Variants in LTF observed in about 807,000 individuals in gnomAD.
The protein encoded by LTF is lactotransferrin.
In LTF, 91 loss-of-function variants were observed where a neutral mutation model predicts 87.2. The ratio of observed to expected loss-of-function variants is 1.04; its 90% confidence interval spans 0.88 to 1.24. The LOEUF (loss-of-function observed/expected upper bound fraction) is 1.24. LTF is among the 50% of genes most tolerant of loss of function. LTF has a pLI of 0.00. For synonymous variants in LTF, 378 were observed against 356.1 expected (o/e 1.06, Z -0.69); for missense variants, 901 against 904.3 (o/e 1.00, Z 0.05).
intron 6 of LTF, among the ~76,000 whole-genome samples, chr3:46,451,490 G>A (rs367836974): frequency 1.3e-5 from 2 of 152,184 alleles, no homozygotes; most frequent in Middle Eastern, 3.4e-3. Flanking sequence ...CCATGAGATC[G>A]TCTTCATCTT....
chr3:46,468,153 G>A (rs551358161), upstream of LTF: 160 of 455,870 alleles, frequency 3.5e-4, no homozygotes, highest in South Asian at 2.5e-3. Flanking sequence ...AGGGACAAAG[G>A]ATCCTGTTTG....
chr3:46,442,965 T>C (rs1192426446), intron 13 of LTF, among the ~76,000 whole-genome samples: 1 of 152,198 alleles, frequency 6.6e-6, no homozygotes, highest in Admixed American at 6.5e-5. Flanking sequence ...TATTTTTCAC[T>C]TCGTTACTGG....
chr3:46,463,892 G>T (rs190186930), intron 1 of LTF, among the ~76,000 whole-genome samples: 60 of 152,332 alleles, frequency 3.9e-4, no homozygotes, highest in Non-Finnish European at 7.8e-4. Flanking sequence ...ACAAGGATGG[G>T]TTTGGGCTCC....
intron 1 of LTF, among the ~76,000 whole-genome samples, chr3:46,463,913 C>G (rs542500966): frequency 6.6e-6 from 1 of 152,328 alleles, no homozygotes; most frequent in Non-Finnish European, 1.5e-5. Flanking sequence ...CACTGCTGCT[C>G]TCTATCCACC....
intron 4 of LTF, 46 bp downstream of exon 4, chr3:46,455,750 T>A: frequency 6.6e-7 from 1 of 1,521,004 alleles, no homozygotes; most frequent in East Asian, 2.3e-5. Context: ...ACAACTGGAA[T>A]AGAGCCCCCT....
chr3:46,459,929 T>G, intron 1 of LTF, 110 bp from the exon 2 acceptor site: 1 of 691,596 alleles, frequency 1.4e-6, no homozygotes, highest in Non-Finnish European at 2.1e-6. Context: ...GCTGCCCTCC[T>G]TCCCTCTCCA....
chr3:46,459,697 T>C lies in LTF; in HGVS notation c.166A>G (p.Ile56Val), dbSNP rs752204918. 2.5e-6 allele frequency: 4 copies of C among 1,569,250 alleles called. No individual in the cohort carries two copies. The highest frequency in any genetic ancestry group is 2.6e-6 in the Non-Finnish European group (3 of 1,161,600). The change falls in exon 2 of 17, where the codon ATA (isoleucine) becomes GTA (valine). Residue 56 changes from isoleucine (I) to valine (V), a missense_variant. Physicochemically the swap from Ile to Val is conservative, Grantham distance 29. Coordinates refer to ENST00000231751, the MANE Select transcript of LTF (RefSeq NM_002343.6). Reference sequence around the variant, plus strand: ...CACTGGATGGGGGAGTCTCTCTTTATGCAGCTGACAGGAGGGCCACGCACT... The same window carrying C: ...CACTGGATGGGGGAGTCTCTCTTTACGCAGCTGACAGGAGGGCCACGCACT... The part of the protein sequence containing the change: ...RKVRGPPVSC[I>V]KRDSPIQCIQ...
In LTF at chr3:46,449,963, A is replaced by C. The variant is rs768876554; in HGVS notation, c.948T>G (p.Asp316Glu). 6.2e-7 allele frequency: 1 copy of C among 1,614,112 alleles called. No homozygotes were observed. The highest frequency in any genetic ancestry group is 1.3e-5 in the African/African-American group (1 of 75,038). ...CAATGGCAGAGTCCTTGAACAGCAGATCTTTCTGCCCACTAGGGGAGCCAA... is the reference window on the plus strand; with the variant it reads ...CAATGGCAGAGTCCTTGAACAGCAGCTCTTTCTGCCCACTAGGGGAGCCAA... Reference protein sequence around the residue: ...QLFGSPSGQKDLLFKDSAIGF... With the variant: ...QLFGSPSGQKELLFKDSAIGF... The change falls in exon 8 of 17, where the codon GAT (aspartate) becomes GAG (glutamate). Residue 316 changes from aspartate (D) to glutamate (E), a missense_variant. Coordinates refer to ENST00000231751, the MANE Select transcript of LTF (RefSeq NM_002343.6).
At chr3:46,446,109 C>T (rs1702647455) in intron 11 of LTF, among the ~76,000 whole-genome samples, 1 of 152,108 alleles carries the variant, frequency 6.6e-6, no homozygotes, top group Non-Finnish European at 1.5e-5. Context: ...CACAGTATTA[C>T]CTATGGCTGT....
At chr3:46,449,792 C>G in intron 8 of LTF, 62 bp downstream of exon 8, 1 of 1,578,952 alleles carries the variant, frequency 6.3e-7, no homozygotes, top group Non-Finnish European at 8.7e-7. Flanking sequence ...AAAGTAGGGC[C>G]ACCTGCTGGG....
At chr3:46,456,074 T>A (rs1702922274) in intron 3 of LTF, 96 bp from the exon 4 acceptor site, 1 of 1,186,098 alleles carries the variant, frequency 8.4e-7, no homozygotes, top group South Asian at 1.6e-5. Flanking sequence ...GGGGGAATGC[T>A]GTGCTGCAGT....
intron 1 of LTF, among the ~76,000 whole-genome samples, chr3:46,484,580 T>A (rs1703492765): frequency 6.6e-6 from 1 of 152,184 alleles, no homozygotes; most frequent in Non-Finnish European, 1.5e-5. Flanking sequence ...CCTGGAATGT[T>A]CTGCCAATAT....
Position 46,459,677 on chromosome 3 carries a change from G to C in LTF, c.186C>G (p.Ile62Met). Residue 62 changes from isoleucine to methionine, a missense_variant, in exon 2 of 17, where the codon ATC becomes ATG. Physicochemically the swap from Ile to Met is conservative, Grantham distance 10 (BLOSUM62 1). Coordinates refer to ENST00000231751, the MANE Select transcript of LTF (RefSeq NM_002343.6). ...PVSCIKRDSP[I>M]QCIQAIAENR... ...TCACCGCAATGGCCTGGATACACTG[G>C]ATGGGGGAGTCTCTCTTTATGCAGC... The C allele has an allele frequency of 1.3e-6, 2 of 1,545,594 alleles. No homozygotes were observed. The highest frequency in any genetic ancestry group is 8.7e-7 in the Non-Finnish European group (1 of 1,148,976).
rs370489762 is a variant in LTF at position 46,455,309 on chromosome 3, G to A, written c.633C>T (p.Tyr211=). 51 of 1,614,138 alleles carry A rather than the reference G, an allele frequency of 3.2e-5. No individual in the cohort carries two copies. Among genetic ancestry groups the A allele is most frequent in the African/African-American group, 4.0e-5 (3 of 74,952 alleles). The change falls in exon 5 of 17, where the codon TAC becomes TAT. Residue 211 remains tyrosine, a synonymous_variant. Transcript: ENST00000231751. ...GGGTCACTCACTTGAAGGCACCAGA[G>A]TAGCTGAAGTACGGTTCCTGGGAGG... ...AFSSQEPYFS[Y]SGAFKCLRDG... is the part of the protein sequence containing the mutation.
intron 12 of LTF, among the ~76,000 whole-genome samples, 162 bp from the exon 13 acceptor site, chr3:46,443,744 CA>C (rs756697165): frequency 6.2e-4 from 94 of 152,170 alleles, no homozygotes; most frequent in Non-Finnish European, 1.1e-3. Context: ...TTGTCACCAA[CA>C]TAGGACCCAC....
Position 46,450,516 on chromosome 3 carries a change from C to T in LTF, c.861G>A (p.Trp287Ter). Residue 287 changes from tryptophan (W) to a stop codon, truncating the protein, a stop_gained, in exon 7 of 17, where the codon TGG becomes TGA. Transcript: ENST00000231751. LOFTEE classifies it high-confidence loss of function. The part of the protein sequence containing the change: ...RSVNGKEDAI[W>*]NLLRQAQEKF... ...ATACCTGTGCCTGGCGGAGAAGATT[C>T]CAGATGGCATCCTCCTTGCCATTCA... 6.2e-7 allele frequency: 1 copy of T among 1,613,110 alleles called. No homozygotes were observed. The highest frequency in any genetic ancestry group is 8.5e-7 in the Non-Finnish European group (1 of 1,179,834).
upstream of LTF, among the ~76,000 whole-genome samples, chr3:46,469,779 C>T (rs955741929): frequency 6.6e-6 from 1 of 152,186 alleles, no homozygotes; most frequent in South Asian, 2.1e-4. Context: ...AGTCTGGGAA[C>T]GTTTCTGGGC....
At position 46,455,794 on chromosome 3, in the gene LTF, A is replaced by G. The variant is rs1402180810; in HGVS notation, c.499+2T>C. The G allele has an allele frequency of 6.4e-7, 1 of 1,558,266 alleles. No homozygotes were observed. The highest frequency in any genetic ancestry group is 8.7e-7 in the Non-Finnish European group (1 of 1,152,884). ...CCACTCACTATCCCCCAGCCATCTT[A>G]CCTGCCTCAATGGGCTCAGGTGGAC... On this transcript the variant is annotated splice_donor_variant, in intron 4 of 16. Transcript: ENST00000231751. LOFTEE classifies it high-confidence loss of function.
intron 1 of LTF, among the ~76,000 whole-genome samples, chr3:46,478,379 CCACT>C (rs1404248727): frequency 6.6e-6 from 1 of 152,156 alleles, no homozygotes; most frequent in Non-Finnish European, 1.5e-5. Context: ...ACCCATGTGG[CCACT>C]CAGTCACTTC....
Sources: allele counts gnomAD v4.1 joint callset (sites outside exome capture counted in the v4.1 genomes callset), GRCh38; gene constraint gnomAD v4.1.1; transcripts MANE v1.5; gene names NCBI Gene and HGNC (gene_info 2026-07-23, HGNC 2026-07-21).